LHFPL3: variants seen among roughly 807,000 people sequenced by gnomAD.
LHFPL3 encodes the protein LHFPL tetraspan subfamily member 3, also known as LHFPL tetraspan subfamily member 3 protein.
Under a neutral mutation model 19.3 loss-of-function variants are expected in LHFPL3, and 5 were observed. The ratio of observed to expected loss-of-function variants is 0.26; its 90% confidence interval spans 0.14 to 0.54. The LOEUF is 0.54. LHFPL3 is among the 20% of genes least tolerant of loss of function. The pLI, the probability that LHFPL3 is intolerant of heterozygous loss-of-function variation, is 0.94. For missense variants in LHFPL3, 249 were observed against 307.4 expected (o/e 0.81, Z 1.42); for synonymous variants, 133 against 126.2 (o/e 1.05, Z -0.36).
chr7:104,568,338 C>T (rs80089532), intron 1 of LHFPL3, among the ~76,000 whole-genome samples: 5,840 of 152,274 alleles, frequency 0.038, 340 homozygotes, highest in African/African-American at 0.13. Flanking sequence ...TGCTCATCTT[C>T]CTCACCAAAT....
At chr7:104,855,022 T>A (rs994727414) in intron 2 of LHFPL3, among the ~76,000 whole-genome samples, 2 of 152,254 alleles carry the variant, frequency 1.3e-5, no homozygotes, top group African/African-American at 4.8e-5. Context: ...ATGTATTTCC[T>A]GTGAAATTGT....
chr7:104,476,676 G>A (rs1339041204), intron 1 of LHFPL3, among the ~76,000 whole-genome samples: 1 of 151,984 alleles, frequency 6.6e-6, no homozygotes, highest in African/African-American at 2.4e-5. Context: ...GTCAGGCTGG[G>A]CTTGAACTCC....
chr7:104,342,243 G>C (rs1256600679), intron 1 of LHFPL3, among the ~76,000 whole-genome samples: 1 of 152,032 alleles, frequency 6.6e-6, no homozygotes, highest in Non-Finnish European at 1.5e-5. Context: ...CTTTGGTCTT[G>C]GTGGTCATGA....
At chr7:104,651,964 T>A (rs1171648411) in intron 1 of LHFPL3, among the ~76,000 whole-genome samples, 21 of 152,198 alleles carry the variant, frequency 1.4e-4, no homozygotes, top group Admixed American at 1.4e-3. Flanking sequence ...GCTCGATAAA[T>A]GTTAGTAACC....
chr7:104,869,638 T>C (rs1163643583), intron 2 of LHFPL3, among the ~76,000 whole-genome samples: 1 of 152,142 alleles, frequency 6.6e-6, no homozygotes, highest in African/African-American at 2.4e-5. Context: ...TTTACACTGT[T>C]GGTGGGACTG....
chr7:104,794,261 C>T (rs1790075454), intron 2 of LHFPL3, among the ~76,000 whole-genome samples: 1 of 152,130 alleles, frequency 6.6e-6, no homozygotes, highest in South Asian at 2.1e-4. Flanking sequence ...GACCCCAGAC[C>T]TGAAACTTCT....
chr7:104,576,133 G>A (rs762065983), intron 1 of LHFPL3, among the ~76,000 whole-genome samples: 4 of 152,030 alleles, frequency 2.6e-5, no homozygotes, highest in Admixed American at 2.6e-4. Flanking sequence ...ATTCACATTT[G>A]AGGAGCAAGC....
chr7:104,453,813 C>G (rs185050326), intron 1 of LHFPL3, among the ~76,000 whole-genome samples: 4 of 152,090 alleles, frequency 2.6e-5, no homozygotes, highest in Admixed American at 6.5e-5. Context: ...CTGCCTCCCC[C>G]CTGCCCCACT....
At chr7:104,597,345 T>A (rs1790884006) in intron 1 of LHFPL3, among the ~76,000 whole-genome samples, 1 of 152,230 alleles carries the variant, frequency 6.6e-6, no homozygotes, top group African/African-American at 2.4e-5. Flanking sequence ...CCATTTTCAC[T>A]CTTTATATTT....
rs529408937 is a variant in LHFPL3 at position 104,543,377 on chromosome 7, C to A, written c.446-193298C>A. 1.8e-3 allele frequency among the ~76,000 whole-genome samples: 269 copies of A among 151,962 alleles called. 1 individual carries two copies. Among genetic ancestry groups the A allele is most frequent in the South Asian group, 0.014 (68 of 4,802 alleles). ...GTGGTGATTCCTCAGGGATCTAGAA[C>A]TAGAAATACCATTTGACCCAGCCAT... On this transcript the variant is annotated intron_variant, in intron 1 of 2. Transcript: ENST00000424859.
At chr7:104,398,615 A>G (rs1178915434) in intron 1 of LHFPL3, among the ~76,000 whole-genome samples, 1 of 152,056 alleles carries the variant, frequency 6.6e-6, no homozygotes, top group African/African-American at 2.4e-5. Context: ...TTCTTATCCT[A>G]TTTTTCAAAA....
chr7:104,797,731 A>G (rs1235436857), intron 2 of LHFPL3, among the ~76,000 whole-genome samples: 1 of 149,198 alleles, frequency 6.7e-6, no homozygotes, highest in Non-Finnish European at 1.5e-5. Flanking sequence ...CTGGGTACCA[A>G]TGGTGAAACC....
chr7:104,565,249 G>A (rs571288624), intron 1 of LHFPL3, among the ~76,000 whole-genome samples: 1 of 152,186 alleles, frequency 6.6e-6, no homozygotes, highest in South Asian at 2.1e-4. Context: ...TCAGCTCTGT[G>A]GCTCCTAGAT....
chr7:104,591,084 C>A (rs1790710967), intron 1 of LHFPL3, among the ~76,000 whole-genome samples: 1 of 152,128 alleles, frequency 6.6e-6, no homozygotes, highest in African/African-American at 2.4e-5. Context: ...CAGTCTGTGT[C>A]TTTTAATTGG....
chr7:104,643,275 A>T (rs1291425965), intron 1 of LHFPL3, among the ~76,000 whole-genome samples: 1 of 152,224 alleles, frequency 6.6e-6, no homozygotes, highest in African/African-American at 2.4e-5. Flanking sequence ...ATGGTAAATA[A>T]AAATTCTGAG....
intron 1 of LHFPL3, among the ~76,000 whole-genome samples, chr7:104,542,663 G>A (rs1794509473): frequency 6.6e-6 from 1 of 152,178 alleles, no homozygotes; most frequent in African/African-American, 2.4e-5. Context: ...CATCGCAGGT[G>A]AGAAGTTGCT....
At chr7:104,780,873 A>G (rs986264582) in intron 2 of LHFPL3, among the ~76,000 whole-genome samples, 14 of 152,166 alleles carry the variant, frequency 9.2e-5, no homozygotes, top group African/African-American at 3.1e-4. Context: ...CTGGATATCC[A>G]TTCTCTGTCC....
chr7:104,635,070 A>G (rs1791707144), intron 1 of LHFPL3, among the ~76,000 whole-genome samples: 1 of 152,202 alleles, frequency 6.6e-6, no homozygotes, highest in South Asian at 2.1e-4. Context: ...CAATTAAAGA[A>G]TATGTAAAAA....
At chr7:104,797,209 C>T (rs1325243681) in intron 2 of LHFPL3, among the ~76,000 whole-genome samples, 1 of 152,180 alleles carries the variant, frequency 6.6e-6, no homozygotes, top group Non-Finnish European at 1.5e-5. Context: ...AGGAGATGCA[C>T]ACTGCATGGG....
Sources: allele counts gnomAD v4.1 joint callset (sites outside exome capture counted in the v4.1 genomes callset), GRCh38; gene constraint gnomAD v4.1.1; transcripts MANE v1.5; gene names NCBI Gene and HGNC (gene_info 2026-07-23, HGNC 2026-07-21).